GALNTL6: variants seen among roughly 807,000 people sequenced by gnomAD.
GALNTL6 encodes the protein polypeptide N-acetylgalactosaminyltransferase like 6.
GALNTL6 carries 46 observed loss-of-function variants against 73.7 expected under a neutral mutation model. The observed-to-expected ratio is 0.62, with a 90% CI of 0.49 to 0.80. GALNTL6 has a LOEUF of 0.80. Among genes scored for constraint, GALNTL6 ranks in the 30% least tolerant of loss-of-function variants. GALNTL6 has a pLI of 0.00. For missense variants in GALNTL6, 604 were observed against 755.0 expected (o/e 0.80, Z 2.34); for synonymous variants, 259 against 263.7 (o/e 0.98, Z 0.17).
At chr4:173,028,253 G>A (rs1176211558) in intron 12 of GALNTL6, among the ~76,000 whole-genome samples, 1 of 152,124 alleles carries the variant, frequency 6.6e-6, no homozygotes, top group Non-Finnish European at 1.5e-5. Context: ...AAAAGCACCA[G>A]GTATCAAAAC....
At chr4:172,975,629 C>A (rs1561065465) in intron 10 of GALNTL6, among the ~76,000 whole-genome samples, 1 of 152,164 alleles carries the variant, frequency 6.6e-6, no homozygotes, top group African/African-American at 2.4e-5. Context: ...TGTCCCCTGC[C>A]GTCATCCACA....
intron 5 of GALNTL6, among the ~76,000 whole-genome samples, chr4:172,755,232 A>G (rs2110798812): frequency 7.9e-6 from 1 of 126,202 alleles, no homozygotes; most frequent in East Asian, 2.3e-4. Context: ...TAGATAAATG[A>G]CAGATATAGA....
chr4:172,194,384 G>A (rs1579238544), intron 2 of GALNTL6, among the ~76,000 whole-genome samples: 1 of 152,154 alleles, frequency 6.6e-6, no homozygotes, highest in Non-Finnish European at 1.5e-5. Flanking sequence ...CAAACTTCAC[G>A]ATACCATCCA....
At chr4:172,191,303 C>T (rs552905119) in intron 2 of GALNTL6, among the ~76,000 whole-genome samples, 44 of 152,274 alleles carry the variant, frequency 2.9e-4, no homozygotes, top group African/African-American at 1.0e-3. Flanking sequence ...TGCCCTTGGT[C>T]TCCATAGGTA....
At chr4:171,865,159 G>A (rs1735937525) in intron 2 of GALNTL6, among the ~76,000 whole-genome samples, 1 of 151,320 alleles carries the variant, frequency 6.6e-6, no homozygotes, top group South Asian at 2.1e-4. Flanking sequence ...AAAAAAAAAA[G>A]ATTTAATCTT....
At chr4:171,894,014 A>G (rs1736832116) in intron 2 of GALNTL6, among the ~76,000 whole-genome samples, 1 of 147,972 alleles carries the variant, frequency 6.8e-6, no homozygotes. Context: ...ACACATCATC[A>G]TCATTATTTT....
chr4:172,470,385 G>T (rs946897335), intron 5 of GALNTL6, among the ~76,000 whole-genome samples: 1 of 152,168 alleles, frequency 6.6e-6, no homozygotes, highest in Non-Finnish European at 1.5e-5. Context: ...AATCTGTGCA[G>T]AAAGAGTAAT....
At chr4:172,481,969 G>A (rs1419042573) in intron 5 of GALNTL6, among the ~76,000 whole-genome samples, 3 of 152,324 alleles carry the variant, frequency 2.0e-5, no homozygotes, top group South Asian at 2.1e-4. Context: ...GGGCTGCCAG[G>A]AGCCCACCGC....
chr4:172,912,570 C>T (rs546085041), intron 8 of GALNTL6, among the ~76,000 whole-genome samples: 1 of 152,226 alleles, frequency 6.6e-6, no homozygotes, highest in Non-Finnish European at 1.5e-5. Context: ...AGATTATATC[C>T]CATGCTTGGC....
chr4:172,087,102 A>C (rs1732057444), intron 2 of GALNTL6, among the ~76,000 whole-genome samples: 1 of 152,148 alleles, frequency 6.6e-6, no homozygotes, highest in South Asian at 2.1e-4. Flanking sequence ...GCCTAGAAAC[A>C]ACCAAGGTGG....
chr4:172,135,666 G>A (rs1490658212), intron 2 of GALNTL6, among the ~76,000 whole-genome samples: 1 of 152,140 alleles, frequency 6.6e-6, no homozygotes. Context: ...TTCTCTGGCA[G>A]TGAGGTTACA....
chr4:172,622,032 C>T (rs973072054), intron 5 of GALNTL6, among the ~76,000 whole-genome samples: 15 of 152,104 alleles, frequency 9.9e-5, no homozygotes, highest in African/African-American at 3.4e-4. Flanking sequence ...ATTTGCCATC[C>T]CTGGTCCTCA....
chr4:172,386,473 G>C (rs1743476345), intron 5 of GALNTL6, among the ~76,000 whole-genome samples: 1 of 152,154 alleles, frequency 6.6e-6, no homozygotes, highest in African/African-American at 2.4e-5. Flanking sequence ...CAGAGAGACA[G>C]AACTAATAAG....
intron 2 of GALNTL6, among the ~76,000 whole-genome samples, chr4:171,968,715 T>C (rs1346303731): frequency 1.3e-5 from 2 of 152,204 alleles, no homozygotes; most frequent in African/African-American, 2.4e-5. Flanking sequence ...TGATAAGAAC[T>C]GCTTTGTTTA....
At chr4:172,978,471 A>G (rs1326511783) in intron 10 of GALNTL6, among the ~76,000 whole-genome samples, 1 of 152,164 alleles carries the variant, frequency 6.6e-6, no homozygotes, top group Non-Finnish European at 1.5e-5. Context: ...AATGACTTCT[A>G]AAGAGACCCC....
intron 2 of GALNTL6, among the ~76,000 whole-genome samples, chr4:172,134,700 C>G (rs1028660331): frequency 1.3e-5 from 2 of 152,064 alleles, no homozygotes; most frequent in African/African-American, 4.8e-5. Flanking sequence ...CTGTATTAGT[C>G]AAGAGAGACT....
chr4:172,411,719 A>G (rs1215831881), intron 5 of GALNTL6, among the ~76,000 whole-genome samples: 1 of 152,108 alleles, frequency 6.6e-6, no homozygotes, highest in Non-Finnish European at 1.5e-5. Context: ...CTTAGCTGCA[A>G]CCTGCCTGGG....
intron 5 of GALNTL6, among the ~76,000 whole-genome samples, chr4:172,493,464 T>C (rs1437758486): frequency 6.6e-6 from 1 of 152,186 alleles, no homozygotes; most frequent in African/African-American, 2.4e-5. Flanking sequence ...ACAATTACAT[T>C]GCATGACCAA....
intron 2 of GALNTL6, among the ~76,000 whole-genome samples, chr4:172,084,967 A>G (rs1036343345): frequency 5.3e-5 from 8 of 152,198 alleles, no homozygotes; most frequent in Non-Finnish European, 1.2e-4. Context: ...TTTCAACAAG[A>G]TATCAGGGAG....
Sources: gnomAD v4.1 joint callset for allele counts (sites outside exome capture counted in the v4.1 genomes callset) on GRCh38, gnomAD v4.1.1 for gene constraint, MANE v1.5 for transcripts, NCBI Gene and HGNC (gene_info 2026-07-23, HGNC 2026-07-21) for gene names.